The following RORA variants were observed in gnomAD, a reference collection of about 807,000 sequenced individuals.
RORA encodes RAR related orphan receptor A, also known as nuclear receptor ROR-alpha.
RORA carries 7 observed loss-of-function variants against 69.5 expected under a neutral mutation model. The observed-to-expected ratio is 0.10, with a 90% CI of 0.06 to 0.19. The LOEUF (loss-of-function observed/expected upper bound fraction) is 0.19. Among genes scored for constraint, RORA ranks in the 10% least tolerant of loss-of-function variants. RORA has a pLI of 1.00. For missense variants in RORA, 457 were observed against 663.0 expected, an observed-to-expected ratio of 0.69 and a Z score of 3.41; for synonymous variants, 261 against 240.8, an observed-to-expected ratio of 1.08 and a Z score of -0.78.
intron 1 of RORA, among the ~76,000 whole-genome samples, chr15:61,014,333 T>C (rs1895204882): frequency 6.6e-6 from 1 of 152,246 alleles, no homozygotes; most frequent in Admixed American, 6.5e-5. Context: ...TAGTAGGTCC[T>C]TAGACAAGGC....
At chr15:60,605,026 C>G (rs914318803) in intron 2 of RORA, among the ~76,000 whole-genome samples, 1 of 152,152 alleles carries the variant, frequency 6.6e-6, no homozygotes, top group Non-Finnish European at 1.5e-5. Flanking sequence ...TTTATTTGGA[C>G]ATACAGATAG....
intron 2 of RORA, among the ~76,000 whole-genome samples, chr15:60,538,480 T>G (rs545172510): frequency 1.4e-5 from 2 of 141,822 alleles, no homozygotes; most frequent in South Asian, 4.3e-4. Context: ...TGCGATGCTG[T>G]GTCCTATTAC....
chr15:61,183,878 C>T (rs1217905891), intron 1 of RORA, among the ~76,000 whole-genome samples: 3 of 152,260 alleles, frequency 2.0e-5, no homozygotes, highest in Non-Finnish European at 2.9e-5. Flanking sequence ...TACCTCTCTT[C>T]CCAGCAATTT....
intron 2 of RORA, among the ~76,000 whole-genome samples, chr15:60,640,513 C>T (rs538303278): frequency 1.3e-5 from 2 of 152,276 alleles, no homozygotes; most frequent in South Asian, 2.1e-4. Flanking sequence ...CGTGGCTGAA[C>T]TTAGAGTAAA....
chr15:60,567,608 A>C (rs538976567), intron 2 of RORA, among the ~76,000 whole-genome samples: 8 of 151,886 alleles, frequency 5.3e-5, no homozygotes, highest in Non-Finnish European at 1.2e-4. Context: ...ACAGGGTTTT[A>C]CCATGTTGGC....
chr15:60,888,936 G>T (rs2073781705), intron 1 of RORA, among the ~76,000 whole-genome samples: 1 of 152,192 alleles, frequency 6.6e-6, no homozygotes, highest in African/African-American at 2.4e-5. Flanking sequence ...GGTGGGGGCA[G>T]AGTAGGAGCC....
At chr15:60,688,882 C>T (rs2070783938) in intron 1 of RORA, among the ~76,000 whole-genome samples, 1 of 152,180 alleles carries the variant, frequency 6.6e-6, no homozygotes, top group Admixed American at 6.5e-5. Flanking sequence ...CATATGACTA[C>T]AGTGTCAACA....
intron 1 of RORA, among the ~76,000 whole-genome samples, chr15:60,710,729 T>C (rs2071131225): frequency 6.6e-6 from 1 of 152,110 alleles, no homozygotes; most frequent in African/African-American, 2.4e-5. Context: ...TCCTGAGCAG[T>C]GGGATGATGT....
intron 1 of RORA, among the ~76,000 whole-genome samples, chr15:61,088,856 T>C (rs2078663125): frequency 6.6e-6 from 1 of 152,194 alleles, no homozygotes; most frequent in South Asian, 2.1e-4. Flanking sequence ...AAAGAGGAAC[T>C]GAAAAGCACA....
intron 2 of RORA, among the ~76,000 whole-genome samples, chr15:60,647,851 T>C (rs1383817204): frequency 6.6e-6 from 1 of 152,248 alleles, no homozygotes; most frequent in Non-Finnish European, 1.5e-5. Context: ...CTCAGCCTGC[T>C]GCAGCTGTTT....
intron 2 of RORA, among the ~76,000 whole-genome samples, chr15:60,539,866 A>AATCTT (rs2140346741): frequency 6.6e-6 from 1 of 152,310 alleles, no homozygotes; most frequent in East Asian, 1.9e-4. Context: ...CAGTTGGCGT[A>AATCTT]AGGTCCCTCT....
intron 2 of RORA, among the ~76,000 whole-genome samples, chr15:60,624,102 G>A (rs1233297963): frequency 6.6e-6 from 1 of 151,982 alleles, no homozygotes; most frequent in Non-Finnish European, 1.5e-5. Context: ...ACTCACTGGT[G>A]GAATCAAACA....
At chr15:61,219,378 A>T (rs535667775) in intron 1 of RORA, among the ~76,000 whole-genome samples, 31 of 152,200 alleles carry the variant, frequency 2.0e-4, no homozygotes, top group African/African-American at 7.0e-4. Flanking sequence ...ATCGAGACCA[A>T]CCTGGCGAAC....
At chr15:60,777,706 G>A (rs778335159) in intron 1 of RORA, among the ~76,000 whole-genome samples, 2 of 152,134 alleles carry the variant, frequency 1.3e-5, no homozygotes, top group Non-Finnish European at 2.9e-5. Context: ...AGTCGAAAGA[G>A]TCCCCTCATG....
At chr15:60,599,501 A>C (rs1346107648) in intron 2 of RORA, among the ~76,000 whole-genome samples, 1 of 152,260 alleles carries the variant, frequency 6.6e-6, no homozygotes, top group African/African-American at 2.4e-5. Flanking sequence ...CAGTGAGCTG[A>C]GATCGTGTCA....
At chr15:60,684,845 A>G (rs1331669933) in intron 1 of RORA, among the ~76,000 whole-genome samples, 1 of 152,146 alleles carries the variant, frequency 6.6e-6, no homozygotes, top group African/African-American at 2.4e-5. Context: ...AGGCTTTCAC[A>G]AGATTTATTC....
chr15:61,215,060 T>C (rs1469072969), intron 1 of RORA, among the ~76,000 whole-genome samples: 1 of 140,902 alleles, frequency 7.1e-6, no homozygotes, highest in Non-Finnish European at 1.6e-5. Flanking sequence ...TTTTTTTGTA[T>C]TTTAGGTAGA....
At chr15:60,853,191 A>G (rs974536002) in intron 1 of RORA, among the ~76,000 whole-genome samples, 3 of 152,192 alleles carry the variant, frequency 2.0e-5, no homozygotes, top group African/African-American at 4.8e-5. Context: ...ATGTCACAGA[A>G]AAGAAAGTGC....
At chr15:60,657,284 T>G (rs2070235250) in intron 2 of RORA, among the ~76,000 whole-genome samples, 1 of 152,110 alleles carries the variant, frequency 6.6e-6, no homozygotes. Context: ...TTATTTTGGA[T>G]ATTGCATCTT....
Sources: gnomAD v4.1 joint callset for allele counts (sites outside exome capture counted in the v4.1 genomes callset) on GRCh38, gnomAD v4.1.1 for gene constraint, MANE v1.5 for transcripts, NCBI Gene and HGNC (gene_info 2026-07-23, HGNC 2026-07-21) for gene names.